URB1: variants seen among roughly 807,000 people sequenced by gnomAD.
URB1 encodes nucleolar pre-ribosomal-associated protein 1.
In URB1, 197 loss-of-function variants were observed where a neutral mutation model predicts 242.3. The observed-to-expected ratio is 0.81, with a 90% CI of 0.72 to 0.91. The LOEUF (loss-of-function observed/expected upper bound fraction) is 0.91. URB1 is among the 40% of genes least tolerant of loss of function. The pLI, the probability that URB1 is intolerant of heterozygous loss-of-function variation, is 0.00. For synonymous variants in URB1, 1,153 were observed against 1,201.8 expected, an observed-to-expected ratio of 0.96 and a Z score of 0.84; for missense variants, 2,721 against 2,860.5, an observed-to-expected ratio of 0.95 and a Z score of 1.11.
intron 28 of URB1, among the ~76,000 whole-genome samples, chr21:32,336,103 G>A (rs1451829826): frequency 6.6e-6 from 1 of 152,140 alleles, no homozygotes; most frequent in Non-Finnish European, 1.5e-5. Flanking sequence ...AACTGACATA[G>A]CACCAGCTCC....
chr21:32,318,055 A>C, intron 36 of URB1, 138 bp from the exon 37 acceptor site: 1 of 1,190,118 alleles, frequency 8.4e-7, no homozygotes, highest in Non-Finnish European at 1.2e-6. Flanking sequence ...TGCACAGCAG[A>C]CATCTAGCAT....
chr21:32,337,022 G>A (rs1483719608), intron 28 of URB1, 72 bp downstream of exon 28: 12 of 1,421,510 alleles, frequency 8.4e-6, no homozygotes, highest in East Asian at 7.5e-5. Context: ...AGAAAATCTC[G>A]AGTCTGGAGC....
In URB1 at chr21:32,363,305, T is replaced by C. The variant is rs1303823330; in HGVS notation, c.1360A>G (p.Thr454Ala). 6.4e-7 allele frequency: 1 copy of C among 1,551,638 alleles called. No individual in the cohort carries two copies. The change falls in exon 11 of 39, where the codon ACA becomes GCA. Residue 454 changes from threonine (T) to alanine (A), a missense_variant. Coordinates refer to ENST00000382751, the MANE Select transcript of URB1 (RefSeq NM_014825.3). ...ATGACAGAAATAAGGGATAAGGCTG[T>C]GTGCCTCACTGAGGTGCTGTCCAAC... Reference protein sequence around the residue: ...LNLDSTSVRHTALSLISVILK... With the variant: ...LNLDSTSVRHAALSLISVILK...
chr21:32,371,539 C>T (rs1391288195), intron 8 of URB1, among the ~76,000 whole-genome samples: 3 of 152,180 alleles, frequency 2.0e-5, no homozygotes, highest in Non-Finnish European at 4.4e-5. Context: ...AGTTAAATCA[C>T]AGTGACCTCA....
At chr21:32,354,245 G>A (rs2033193443) in intron 17 of URB1, 142 bp from the exon 18 acceptor site, 1 of 905,870 alleles carries the variant, frequency 1.1e-6, no homozygotes. Context: ...AACATAGTTT[G>A]ACCCTAAACA....
At chr21:32,382,622 T>C (rs2033538708) in intron 4 of URB1, among the ~76,000 whole-genome samples, 1 of 152,178 alleles carries the variant, frequency 6.6e-6, no homozygotes, top group African/African-American at 2.4e-5. Context: ...GATGGACTGA[T>C]ACCTGTCCCC....
At chr21:32,356,908 C>T (rs2033227535) in intron 15 of URB1, among the ~76,000 whole-genome samples, 1 of 152,216 alleles carries the variant, frequency 6.6e-6, no homozygotes, top group Non-Finnish European at 1.5e-5. Flanking sequence ...AAGACTTAGA[C>T]TGCCACATTC....
intron 5 of URB1, among the ~76,000 whole-genome samples, chr21:32,376,540 A>G (rs2033460536): frequency 6.9e-6 from 1 of 145,388 alleles, no homozygotes; most frequent in Admixed American, 7.2e-5. Flanking sequence ...TGATGTATTC[A>G]TGCTACTCTA....
Position 32,322,493 on chromosome 21 carries a change from G to A in URB1, c.5325C>T (p.Tyr1775=). 6.4e-7 allele frequency: 1 copy of A among 1,552,364 alleles called. No individual in the cohort carries two copies. Among genetic ancestry groups the A allele is most frequent in the South Asian group, 1.2e-5 (1 of 84,066 alleles). ...DKVPGFYQFF[Y]SSDFEQKTEQ... ...GGAAGCATACCTCAAAGTCGGAGCT[G>A]TAGAAGAACTGGTAGAAGCCTGGCA... Residue 1775 remains tyrosine, a synonymous_variant, in exon 33 of 39, where the codon TAC becomes TAT. Transcript: ENST00000382751.
At chr21:32,323,439 T>A (rs1288173746) in intron 32 of URB1, among the ~76,000 whole-genome samples, 2 of 152,120 alleles carry the variant, frequency 1.3e-5, no homozygotes, top group Non-Finnish European at 2.9e-5. Flanking sequence ...CCAAAAAAAG[T>A]CTTAGAATGA....
intron 21 of URB1, 121 bp downstream of exon 21, chr21:32,349,183 T>A: frequency 7.6e-7 from 1 of 1,318,274 alleles, no homozygotes; most frequent in Non-Finnish European, 1.0e-6. Context: ...TGATCTCTGC[T>A]GTAGTTTCTG....
intron 6 of URB1, among the ~76,000 whole-genome samples, chr21:32,374,869 T>C (rs1568830181): frequency 6.6e-6 from 1 of 152,220 alleles, no homozygotes; most frequent in Admixed American, 6.5e-5. Context: ...GAAAATAAAG[T>C]CCTTTCATGC....
chr21:32,340,478 T>G (rs2033017283), intron 25 of URB1, among the ~76,000 whole-genome samples: 1 of 152,160 alleles, frequency 6.6e-6, no homozygotes. Flanking sequence ...CCGAGCATGG[T>G]GGTGCGTGCC....
In URB1 at chr21:32,362,030, GA is replaced by G. The variant is rs1568825436; in HGVS notation, c.1510-10del. The stretch of plus-strand genomic sequence containing the variant: ...TTCAGGTCTGGCAAAATCTAAATGG[GA>G]AAAAGAAGCAGAACATTAGTTGTAG... On this transcript the variant is annotated splice_polypyrimidine_tract_variant and intron_variant, in intron 11 of 38. Transcript: ENST00000382751. 9 of 1,550,206 alleles carry G rather than the reference GA, an allele frequency of 5.8e-6. No individual in the cohort carries two copies. In the African/African-American group the frequency reaches 1.2e-4, roughly 21 times the overall value.
chr21:32,311,556 T>A lies in URB1; in HGVS notation c.*3362A>T. On this transcript the variant is annotated 3_prime_UTR_variant, in exon 39 of 39. Transcript: ENST00000382751. The stretch of plus-strand genomic sequence containing the variant: ...TGAGCTGGCTGACCCTTCTCAGGAA[T>A]TTGCCTGTGTGGCCTTCCCTATGGG... 2.2e-6 allele frequency: 3 copies of A among 1,369,044 alleles called. No individual in the cohort carries two copies. Among genetic ancestry groups the A allele is most frequent in the Non-Finnish European group, 3.0e-6 (3 of 1,010,670 alleles). 84.8% of individuals were successfully genotyped at this position (1,369,044 alleles called of 1,614,324 possible). A position where few individuals can be genotyped will look rare whatever the true frequency, so the allele number is the denominator to read the frequency against.
chr21:32,320,046 C>A (rs1601119406), intron 35 of URB1, among the ~76,000 whole-genome samples: 2 of 152,220 alleles, frequency 1.3e-5, no homozygotes, highest in Admixed American at 6.5e-5. Context: ...CAAGTTCAGA[C>A]CCCTGGTGCT....
Position 32,385,622 on chromosome 21 carries a change from C to T in URB1, c.205G>A (p.Glu69Lys). The change falls in exon 2 of 39, where the codon GAA (glutamate) becomes AAA (lysine). Residue 69 changes from glutamate (E) to lysine (K), a missense_variant. By Grantham distance (56) the Glu-to-Lys change is moderately conservative. Transcript: ENST00000382751. ...TCAACAGAAATCTTTATATACCCTT[C>T]CACAACATCATACACATCTTCTCGT... ...LPREDVYDVVEGYIKISVECV... is the reference protein window; with the variant it reads ...LPREDVYDVVKGYIKISVECV... 1 of 1,551,846 alleles carries T rather than the reference C, an allele frequency of 6.4e-7. No individual in the cohort carries two copies. The highest frequency in any genetic ancestry group is 1.2e-5 in the South Asian group (1 of 84,058).
At chr21:32,326,675 A>G (rs1225576341) in intron 30 of URB1, among the ~76,000 whole-genome samples, 1 of 152,154 alleles carries the variant, frequency 6.6e-6, no homozygotes, top group Non-Finnish European at 1.5e-5. Context: ...AGCGTGTGGC[A>G]CTGCCCCACT....
At chr21:32,348,475 A>G (rs2033119711) in intron 21 of URB1, among the ~76,000 whole-genome samples, 1 of 152,198 alleles carries the variant, frequency 6.6e-6, no homozygotes, top group Non-Finnish European at 1.5e-5. Context: ...CTGAGTAAAC[A>G]TTGAGCAGAA....
Sources: gnomAD v4.1 joint callset for allele counts (sites outside exome capture counted in the v4.1 genomes callset) on GRCh38, gnomAD v4.1.1 for gene constraint, MANE v1.5 for transcripts, NCBI Gene and HGNC (gene_info 2026-07-23, HGNC 2026-07-21) for gene names.